Variants in PTPRT observed in about 807,000 individuals in gnomAD.
PTPRT encodes protein tyrosine phosphatase receptor type T, also known as receptor-type tyrosine-protein phosphatase T.
Under a neutral mutation model 176.8 loss-of-function variants are expected in PTPRT, and 56 were observed. The ratio of observed to expected loss-of-function variants is 0.32; its 90% CI spans 0.26 to 0.40. The LOEUF is 0.40. PTPRT is among the 10% of genes least tolerant of loss of function. The pLI is 1.00. For missense variants in PTPRT, 1,540 were observed against 1,908.2 expected (o/e 0.81, Z 3.60); for synonymous variants, 783 against 739.0 (o/e 1.06, Z -0.96).
chr20:42,336,635 A>C (rs1010010641), intron 11 of PTPRT, among the ~76,000 whole-genome samples: 1 of 152,114 alleles, frequency 6.6e-6, no homozygotes, highest in Non-Finnish European at 1.5e-5. Context: ...ATTCCTGGGG[A>C]TTTTTGCTAT....
intron 7 of PTPRT, among the ~76,000 whole-genome samples, chr20:42,543,064 G>A (rs1393997812): frequency 6.6e-6 from 1 of 152,178 alleles, no homozygotes; most frequent in Non-Finnish European, 1.5e-5. Context: ...GATGGCTGCT[G>A]ACTGATCAGC....
chr20:42,108,040 T>TG (rs564477739), intron 23 of PTPRT, among the ~76,000 whole-genome samples: 61 of 152,046 alleles, frequency 4.0e-4, no homozygotes, highest in African/African-American at 1.5e-3. Flanking sequence ...GGAGGGAGTA[T>TG]AGGGGGGGTC....
intron 14 of PTPRT, among the ~76,000 whole-genome samples, chr20:42,239,908 T>G (rs1332485245): frequency 6.6e-6 from 1 of 152,144 alleles, no homozygotes; most frequent in Non-Finnish European, 1.5e-5. Context: ...AGATTATAAG[T>G]CCATGCCTCA....
At chr20:42,995,619 C>T (rs999499604) in intron 1 of PTPRT, among the ~76,000 whole-genome samples, 2 of 152,106 alleles carry the variant, frequency 1.3e-5, no homozygotes, top group Non-Finnish European at 2.9e-5. Context: ...CAGGCCTTTC[C>T]GAGTCTTCCC....
intron 7 of PTPRT, among the ~76,000 whole-genome samples, chr20:42,603,800 T>C (rs139354611): frequency 9.8e-4 from 149 of 152,294 alleles, no homozygotes; most frequent in African/African-American, 3.5e-3. Flanking sequence ...CCCGTAGATG[T>C]GTTTCCCAAG....
intron 1 of PTPRT, among the ~76,000 whole-genome samples, chr20:43,135,600 T>C (rs1385307311): frequency 6.6e-6 from 1 of 152,034 alleles, no homozygotes; most frequent in Non-Finnish European, 1.5e-5. Context: ...ACAAATAAAA[T>C]AAAAACTAAC....
chr20:42,417,647 C>G (rs1228854485), intron 9 of PTPRT, among the ~76,000 whole-genome samples: 1 of 149,532 alleles, frequency 6.7e-6, no homozygotes, highest in African/African-American at 2.5e-5. Flanking sequence ...AAACTTCATT[C>G]ATACTTTGAA....
At chr20:42,258,377 G>T (rs1268800359) in intron 13 of PTPRT, among the ~76,000 whole-genome samples, 3 of 152,130 alleles carry the variant, frequency 2.0e-5, no homozygotes, top group Non-Finnish European at 4.4e-5. Flanking sequence ...TTTAACTTAA[G>T]TTCCCTCATC....
At chr20:42,743,697 C>T (rs1434449595) in intron 6 of PTPRT, among the ~76,000 whole-genome samples, 1 of 152,116 alleles carries the variant, frequency 6.6e-6, no homozygotes, top group Non-Finnish European at 1.5e-5. Flanking sequence ...CTCCCTGGAT[C>T]AAAATGAGCA....
chr20:42,644,043 G>A (rs1167387054), intron 7 of PTPRT, among the ~76,000 whole-genome samples: 2 of 152,074 alleles, frequency 1.3e-5, no homozygotes, highest in African/African-American at 4.8e-5. Context: ...TAAAATCCAG[G>A]CTGTGTGATG....
chr20:42,501,220 T>C (rs1285351949), intron 7 of PTPRT, among the ~76,000 whole-genome samples: 1 of 152,194 alleles, frequency 6.6e-6, no homozygotes, highest in Non-Finnish European at 1.5e-5. Flanking sequence ...TCTGCTCTTT[T>C]GTGTCATTTG....
At chr20:42,320,767 C>T (rs1380339124) in intron 11 of PTPRT, among the ~76,000 whole-genome samples, 5 of 152,174 alleles carry the variant, frequency 3.3e-5, no homozygotes, top group Non-Finnish European at 7.3e-5. Context: ...CAGCATTTGT[C>T]TCATCTCAAA....
In PTPRT at chr20:42,076,679, C is replaced by T. The variant is rs762808765; in HGVS notation, c.*4200G>A. ...AGGGTCAAGCTGAAGACCAGCTGACCTAGGGTCCGTCATAGCGGGGTGAAC... is the reference window on the plus strand; with the variant it reads ...AGGGTCAAGCTGAAGACCAGCTGACTTAGGGTCCGTCATAGCGGGGTGAAC... On this transcript the variant is annotated 3_prime_UTR_variant, in exon 31 of 31. Transcript: ENST00000373187. 5.5e-5 allele frequency: 11 copies of T among 199,164 alleles called. No homozygotes were observed. Among genetic ancestry groups the T allele is most frequent in the Non-Finnish European group, 1.1e-4 (11 of 96,636 alleles). 12.3% of individuals were successfully genotyped at this position (199,164 alleles called of 1,614,324 possible). A position where few individuals can be genotyped will look rare whatever the true frequency, so the allele number is the denominator to read the frequency against.
At chr20:43,139,023 G>T (rs2013921103) in intron 1 of PTPRT, among the ~76,000 whole-genome samples, 1 of 152,208 alleles carries the variant, frequency 6.6e-6, no homozygotes, top group Admixed American at 6.5e-5. Flanking sequence ...ACACTGCAGA[G>T]ATTCTACTAT....
chr20:42,708,113 A>G (rs1023659829), intron 6 of PTPRT, among the ~76,000 whole-genome samples: 2 of 152,214 alleles, frequency 1.3e-5, no homozygotes, highest in African/African-American at 4.8e-5. Context: ...TAACTTTAAA[A>G]TAACTGAAAT....
intron 8 of PTPRT, among the ~76,000 whole-genome samples, chr20:42,463,724 T>C (rs1005416124): frequency 2.6e-5 from 4 of 152,060 alleles, no homozygotes; most frequent in African/African-American, 4.8e-5. Flanking sequence ...CAGATAGCCA[T>C]GTACAATTCA....
chr20:43,018,776 C>T (rs7262225), intron 1 of PTPRT, among the ~76,000 whole-genome samples: 52,781 of 152,082 alleles, frequency 0.35, 11,019 homozygotes, highest in African/African-American at 0.59. Context: ...GGATTCAAAA[C>T]TTCAAGTTAA....
chr20:42,385,754 A>T (rs1036771241), intron 9 of PTPRT, among the ~76,000 whole-genome samples: 8 of 152,120 alleles, frequency 5.3e-5, no homozygotes, highest in East Asian at 1.9e-4. Flanking sequence ...TGCAGGGGGA[A>T]CTCCCATTTA....
chr20:43,136,042 A>G (rs1169660373), intron 1 of PTPRT, among the ~76,000 whole-genome samples: 2 of 152,240 alleles, frequency 1.3e-5, no homozygotes, highest in African/African-American at 4.8e-5. Flanking sequence ...CTCATGCCTC[A>G]AAGGTTCTGG....
Sources: gnomAD v4.1 joint callset for allele counts (sites outside exome capture counted in the v4.1 genomes callset) on GRCh38, gnomAD v4.1.1 for gene constraint, MANE v1.5 for transcripts, NCBI Gene and HGNC (gene_info 2026-07-23, HGNC 2026-07-21) for gene names.